The following ALG9 variants were observed in gnomAD, a reference collection of about 807,000 sequenced individuals.
ALG9 encodes alpha-1,2-mannosyltransferase ALG9.
Under a neutral mutation model 81.8 loss-of-function variants are expected in ALG9, and 55 were observed. That is an observed-to-expected ratio of 0.67 (90% CI 0.54 to 0.84). The LOEUF (loss-of-function observed/expected upper bound fraction) is 0.84. Ranked by LOEUF, ALG9 falls within the 40% of genes least tolerant of loss-of-function variation. The pLI, the probability that ALG9 is intolerant of heterozygous loss-of-function variation, is 0.00. For missense variants in ALG9, 629 were observed against 745.0 expected (o/e 0.84, Z 1.81); for synonymous variants, 278 against 274.3 (o/e 1.01, Z -0.13).
At position 111,840,723 on chromosome 11, in the gene ALG9, C is replaced by G; in HGVS notation, c.1105G>C (p.Glu369Gln). Residue 369 changes from glutamate to glutamine, a missense_variant, in exon 10 of 15, where the codon GAG becomes CAG. Transcript: ENST00000616540. The part of the protein sequence containing the change: ...IIFFIQPHKE[E>Q]RFLFPVYPLI... ...GGATACACAGGGAAAAGAAATCTCT[C>G]CTCTTTGTGAGGCTGGATGAAGAAA... The G allele has an allele frequency of 6.2e-7, 1 of 1,614,060 alleles. No homozygotes were observed.
At chr11:111,825,243 T>A (rs1210852154) in intron 13 of ALG9, among the ~76,000 whole-genome samples, 2 of 152,222 alleles carry the variant, frequency 1.3e-5, no homozygotes, top group Non-Finnish European at 2.9e-5. Context: ...AGTATTTCAC[T>A]TAAATTTTTA....
chr11:111,812,281 G>A (rs372765798), intron 13 of ALG9, among the ~76,000 whole-genome samples: 1 of 152,142 alleles, frequency 6.6e-6, no homozygotes, highest in East Asian at 1.9e-4. Flanking sequence ...TAAAAAAGAA[G>A]AACAGGCTGG....
At chr11:111,854,221 C>T (rs897603307) in intron 6 of ALG9, among the ~76,000 whole-genome samples, 4 of 150,718 alleles carry the variant, frequency 2.7e-5, no homozygotes, top group Non-Finnish European at 5.9e-5. Context: ...CTCAGGCTCC[C>T]GAGTAGCTGG....
In ALG9 at chr11:111,871,501, A is replaced by G; in HGVS notation, c.-19T>C. 1 of 1,536,048 alleles carries G rather than the reference A, an allele frequency of 6.5e-7. No individual in the cohort carries two copies. ...TAGCCATGGCAAGCCTGGGGAAAAA[A>G]GAATTCGGCACCCTATGAAGTCGGT... On this transcript the variant is annotated 5_prime_UTR_variant, in exon 1 of 15. Transcript: ENST00000616540.
At chr11:111,779,438 C>T (rs573712049), downstream of ALG9, among the ~76,000 whole-genome samples, 5 of 152,194 alleles carry the variant, frequency 3.3e-5, 2 homozygotes, top group African/African-American at 1.2e-4. Flanking sequence ...TGTCACAAAT[C>T]ACCCAATCTT....
At chr11:111,802,402 A>G (rs1365135198) in intron 14 of ALG9, among the ~76,000 whole-genome samples, 1 of 152,228 alleles carries the variant, frequency 6.6e-6, no homozygotes, top group Non-Finnish European at 1.5e-5. Context: ...TGAACCTCAA[A>G]AACAGGCTGA....
At chr11:111,807,208 T>C (rs1950052821) in intron 14 of ALG9, among the ~76,000 whole-genome samples, 1 of 152,222 alleles carries the variant, frequency 6.6e-6, no homozygotes, top group African/African-American at 2.4e-5. Flanking sequence ...CCCCATTTAA[T>C]TGAGAGTAAA....
intron 13 of ALG9, among the ~76,000 whole-genome samples, chr11:111,818,974 G>C (rs1046207159): frequency 6.6e-6 from 1 of 152,216 alleles, no homozygotes; most frequent in South Asian, 2.1e-4. Flanking sequence ...AGTGGAAGCA[G>C]CCAAGGATGA....
At chr11:111,799,375 C>T (rs1948764815) in intron 14 of ALG9, among the ~76,000 whole-genome samples, 1 of 151,818 alleles carries the variant, frequency 6.6e-6, no homozygotes, top group Admixed American at 6.6e-5. Flanking sequence ...ATCTCTTCAC[C>T]TATGATCCGC....
At chr11:111,834,407 T>C (rs1555115682) in intron 13 of ALG9, among the ~76,000 whole-genome samples, 1 of 152,172 alleles carries the variant, frequency 6.6e-6, no homozygotes. Flanking sequence ...TTGGGTTTCT[T>C]TACCTGGAAT....
chr11:111,853,621 G>T, intron 7 of ALG9, 28 bp downstream of exon 7: 2 of 1,607,106 alleles, frequency 1.2e-6, no homozygotes, highest in South Asian at 1.1e-5. Context: ...ACAACTTTAG[G>T]ACAAAGCAAG....
chr11:111,794,628 CCTCT>C (rs1466101437), intron 14 of ALG9, among the ~76,000 whole-genome samples: 2 of 152,024 alleles, frequency 1.3e-5, no homozygotes, highest in Non-Finnish European at 1.5e-5. Flanking sequence ...CTTCTCCTCT[CCTCT>C]CTTTCTGTTT....
In ALG9 at chr11:111,868,595, C is replaced by G. The variant is rs372345664; in HGVS notation, c.405+7G>C. On this transcript the variant is annotated splice_region_variant and intron_variant, in intron 3 of 14. Coordinates refer to ENST00000616540, the MANE Select transcript of ALG9 (RefSeq NM_024740.2). ...TTGTGATTGCTTCCAGGTTGGTCTG[C>G]CCTTACCTTATTAGTTTGTAGAATT... 3 of 1,613,732 alleles carry G rather than the reference C, an allele frequency of 1.9e-6. No individual in the cohort carries two copies. The East Asian group carries it at 6.7e-5, about 36-fold the overall frequency.
chr11:111,848,322 T>C (rs1316413915), intron 8 of ALG9, among the ~76,000 whole-genome samples: 1 of 152,158 alleles, frequency 6.6e-6, no homozygotes, highest in African/African-American at 2.4e-5. Context: ...AGCTCAAGTC[T>C]AGAATGTCTC....
chr11:111,845,117 C>T (rs868918641), intron 8 of ALG9: 22 of 216,514 alleles, frequency 1.0e-4, no homozygotes, highest in Non-Finnish European at 2.0e-4. Context: ...CTCAAGATCG[C>T]GCAGACCAAA....
downstream of ALG9, chr11:111,778,159 C>A (rs1945748274): frequency 6.6e-6 from 1 of 152,054 alleles, no homozygotes. Context: ...CTACTCAAGG[C>A]AGCCATAGGT....
the ALG9 span, chr11:111,771,327 G>C: frequency 1.3e-5 from 2 of 152,402 alleles, no homozygotes; most frequent in African/African-American, 4.8e-5. Flanking sequence ...AGATACTCAG[G>C]AGGCTGAGGC....
chr11:111,831,912 G>A (rs1380755163), intron 13 of ALG9, among the ~76,000 whole-genome samples: 2 of 152,192 alleles, frequency 1.3e-5, no homozygotes, highest in East Asian at 1.9e-4. Context: ...CACTTTGAGC[G>A]TAATTTAATT....
chr11:111,788,343 C>T, intron 14 of ALG9: 1 of 450,348 alleles, frequency 2.2e-6, no homozygotes, highest in Non-Finnish European at 4.4e-6. Flanking sequence ...ACAGTGAACT[C>T]TATCAAGGGC....
Sources: gnomAD v4.1 joint callset for allele counts (sites outside exome capture counted in the v4.1 genomes callset) on GRCh38, gnomAD v4.1.1 for gene constraint, MANE v1.5 for transcripts, NCBI Gene and HGNC (gene_info 2026-07-23, HGNC 2026-07-21) for gene names.